Variants in GAK observed in about 807,000 individuals in gnomAD.
GAK encodes cyclin G associated kinase.
GAK carries 79 observed loss-of-function variants against 143.9 expected under a neutral mutation model. That is an observed-to-expected ratio of 0.55 (90% CI 0.46 to 0.66). The LOEUF is 0.66. GAK is among the 30% of genes least tolerant of loss of function. The probability of loss-of-function intolerance (pLI) is 0.00; values close to 1 mark genes in which losing one functional copy is unlikely to be tolerated. For synonymous variants in GAK, 881 were observed against 765.5 expected, an observed-to-expected ratio of 1.15 and a Z score of -2.49; for missense variants, 1,693 against 1,779.7, an observed-to-expected ratio of 0.95 and a Z score of 0.88.
chr4:874,765 T>G (rs923877535), intron 18 of GAK, among the ~76,000 whole-genome samples: 1 of 152,202 alleles, frequency 6.6e-6, no homozygotes, highest in African/African-American at 2.4e-5. Flanking sequence ...GCCAATGATT[T>G]TTCAAGTATT....
intron 5 of GAK, among the ~76,000 whole-genome samples, chr4:900,182 C>T (rs771353033): frequency 3.3e-5 from 5 of 152,130 alleles, no homozygotes; most frequent in East Asian, 3.9e-4. Flanking sequence ...CACAGCAGGA[C>T]GATGCACAGG....
At chr4:854,668 G>T (rs1043023485) in intron 24 of GAK, among the ~76,000 whole-genome samples, 1 of 152,166 alleles carries the variant, frequency 6.6e-6, no homozygotes, top group Non-Finnish European at 1.5e-5. Flanking sequence ...GTCTGCCATC[G>T]CCGCAATGTT....
intron 1 of GAK, among the ~76,000 whole-genome samples, chr4:917,263 T>C (rs1161156082): frequency 6.9e-6 from 1 of 145,620 alleles, no homozygotes; most frequent in Admixed American, 6.9e-5. Context: ...TACACACACA[T>C]ACAGTTAGTG....
chr4:866,331 T>C (rs763909528), intron 22 of GAK, 33 bp downstream of exon 22: 10 of 1,604,280 alleles, frequency 6.2e-6, no homozygotes, highest in Admixed American at 1.7e-5. Flanking sequence ...GAGGCGGCCA[T>C]GGAGAGCTGG....
At chr4:850,092 G>C (rs374157547) in intron 26 of GAK, 24 bp from the exon 27 acceptor site, 3 of 1,542,408 alleles carry the variant, frequency 1.9e-6, no homozygotes, top group South Asian at 1.2e-5. Context: ...GGAGCTTGCC[G>C]AGCCCTGGGC....
At chr4:912,191 A>G in intron 3 of GAK, 1 of 455,880 alleles carries the variant, frequency 2.2e-6, no homozygotes, top group Non-Finnish European at 4.4e-6. Context: ...GAGGAAAGAG[A>G]GGCAGAGTCT....
intron 18 of GAK, among the ~76,000 whole-genome samples, chr4:875,856 C>T (rs926901584): frequency 1.3e-5 from 2 of 152,314 alleles, no homozygotes; most frequent in East Asian, 1.9e-4. Context: ...GCGAGAGAAT[C>T]GCTTGAGCCT....
chr4:850,298 C>A, intron 26 of GAK: 4 of 443,834 alleles, frequency 9.0e-6, no homozygotes, highest in Non-Finnish European at 1.2e-5. Flanking sequence ...CCAGAGGGAC[C>A]CTCGTCTCAG....
intron 18 of GAK, among the ~76,000 whole-genome samples, chr4:876,326 G>C (rs903878760): frequency 6.6e-6 from 1 of 151,770 alleles, no homozygotes; most frequent in Admixed American, 6.6e-5. Flanking sequence ...ACACCAACGG[G>C]GGGGCAGAGC....
chr4:925,869 C>A (rs902853641), intron 1 of GAK, among the ~76,000 whole-genome samples: 3 of 152,214 alleles, frequency 2.0e-5, no homozygotes, highest in Non-Finnish European at 4.4e-5. Context: ...TCTGTTACAG[C>A]AGCACAGACG....
In GAK at chr4:932,206, C is replaced by G. The variant is rs1194517294; in HGVS notation, c.-19G>C. ...GCGACATGGCGGTGGCTGCGCCGCA[C>G]CCCGCGGCAGCCGGAGTGGTCGGGC... is the stretch of plus-strand genomic sequence containing the variant. On this transcript the variant is annotated 5_prime_UTR_variant, in exon 1 of 28. Transcript: ENST00000314167. The surrounding 1 kb of genome is among the most constrained non-coding windows in gnomAD (Gnocchi z 4.0). 17 of 1,519,566 alleles carry G rather than the reference C, an allele frequency of 1.1e-5. No individual in the cohort carries two copies. The highest frequency in any genetic ancestry group is 1.4e-5 in the African/African-American group (1 of 69,412). The allele number at this position is 1,519,566 out of a possible 1,614,324, so 94.1% of individuals were successfully genotyped here. A position where few individuals can be genotyped will look rare whatever the true frequency, so the allele number is the denominator to read the frequency against.
intron 4 of GAK, among the ~76,000 whole-genome samples, chr4:908,299 C>G (rs1011699552): frequency 6.6e-6 from 1 of 152,184 alleles, no homozygotes; most frequent in South Asian, 2.1e-4. Context: ...AGGCCTCAAA[C>G]AGAAGACGCA....
rs1230310967 is a variant in GAK, at chr4:893,383, G to A, written c.984C>T (p.Ile328=). 2 of 1,574,652 alleles carry A rather than the reference G, an allele frequency of 1.3e-6. No homozygotes were observed. Among genetic ancestry groups the A allele is most frequent in the South Asian group, 1.2e-5 (1 of 86,382 alleles). ...TCACGTGTGCCTCCCTCACCTCTGT[G>A]ATGGGAGACTTGGGGTTCACGTTGC... ...AARNVNPKSP[I]TELLEQNGGY... The change falls in exon 9 of 28, where the codon ATC becomes ATT. Residue 328 remains isoleucine, a synonymous_variant. Transcript: ENST00000314167.
chr4:881,650 G>C (rs1418119331), intron 15 of GAK, among the ~76,000 whole-genome samples: 1 of 152,248 alleles, frequency 6.6e-6, no homozygotes, highest in Non-Finnish European at 1.5e-5. Flanking sequence ...GCATTTGTCA[G>C]AGAACCTAGG....
intron 21 of GAK, 111 bp downstream of exon 21, chr4:866,845 G>T: frequency 1.2e-6 from 1 of 840,202 alleles, no homozygotes; most frequent in Non-Finnish European, 1.8e-6. Flanking sequence ...TGGGGGAAGG[G>T]CACGTTCCCT....
intron 1 of GAK, among the ~76,000 whole-genome samples, chr4:920,178 G>A (rs905554125): frequency 5.3e-5 from 8 of 151,716 alleles, no homozygotes; most frequent in African/African-American, 1.9e-4. Context: ...TATGGTGGCG[G>A]GCACCTGTAG....
chr4:888,065 T>G (rs1716886115), intron 11 of GAK: 1 of 152,236 alleles, frequency 6.6e-6, no homozygotes, highest in Admixed American at 6.5e-5. Context: ...AAAACAGTGA[T>G]CACAGCACAG....
chr4:892,472 G>A (rs1326428100), intron 9 of GAK, among the ~76,000 whole-genome samples: 4 of 152,190 alleles, frequency 2.6e-5, no homozygotes, highest in Non-Finnish European at 4.4e-5. Context: ...CCTGTCCACG[G>A]CTGGGTCAGA....
rs377034417 is a variant in GAK, at chr4:882,708, C to T, written c.1516G>A (p.Val506Met). 2.2e-5 allele frequency: 35 copies of T among 1,612,062 alleles called. No homozygotes were observed. The highest frequency in any genetic ancestry group is 1.7e-4 in the Middle Eastern group (1 of 5,936). Reference sequence around the variant, plus strand: ...GCCCTCGAGCTCACCATGCAGTGCACGACGCAGACGTTCTTGTGGTCCTGC... The same window carrying T: ...GCCCTCGAGCTCACCATGCAGTGCATGACGCAGACGTTCTTGTGGTCCTGC... Reference protein sequence around the residue: ...LRQDHKNVCVVHCMDGRAASA... With the variant: ...LRQDHKNVCVMHCMDGRAASA... Residue 506 changes from valine to methionine, a missense_variant, in exon 14 of 28, where the codon GTG becomes ATG. Physicochemically the swap from Val to Met is conservative, Grantham distance 21. Coordinates refer to ENST00000314167, the MANE Select transcript of GAK (RefSeq NM_005255.4).
Sources: allele counts gnomAD v4.1 joint callset (sites outside exome capture counted in the v4.1 genomes callset), GRCh38; gene constraint gnomAD v4.1.1; non-coding constraint Gnocchi (gnomAD v3.1); transcripts MANE v1.5; gene names NCBI Gene and HGNC (gene_info 2026-07-23, HGNC 2026-07-21).